The following PDE9A variants were observed in gnomAD, a reference collection of about 807,000 sequenced individuals.
The protein encoded by PDE9A is high affinity cGMP-specific 3',5'-cyclic phosphodiesterase 9A.
PDE9A carries 60 observed loss-of-function variants against 87.4 expected under a neutral mutation model. The observed-to-expected ratio is 0.69, with a 90% CI of 0.56 to 0.85. The LOEUF (loss-of-function observed/expected upper bound fraction) is 0.85, where lower values mean the gene tolerates loss of function less well. PDE9A is among the 40% of genes least tolerant of loss of function. The probability of loss-of-function intolerance (pLI) is 0.00; values close to 1 mark genes in which losing one functional copy is unlikely to be tolerated. For synonymous variants in PDE9A, 272 were observed against 279.4 expected (o/e 0.97, Z 0.27); for missense variants, 665 against 779.0 (o/e 0.85, Z 1.74).
At chr21:42,751,967 T>C (rs1324640105) in intron 9 of PDE9A, among the ~76,000 whole-genome samples, 1 of 151,656 alleles carries the variant, frequency 6.6e-6, no homozygotes, top group South Asian at 2.1e-4. Context: ...GCCAGGCTGG[T>C]CTTGAACTTG....
intron 1 of PDE9A, among the ~76,000 whole-genome samples, chr21:42,670,449 C>T (rs2058451724): frequency 6.6e-6 from 1 of 151,620 alleles, no homozygotes; most frequent in Admixed American, 6.6e-5. Context: ...CACTTATACA[C>T]AGTCACACAG....
At chr21:42,698,842 T>TA (rs1269206604) in intron 3 of PDE9A, 126 bp from the exon 4 acceptor site, 230 of 556,050 alleles carry the variant, frequency 4.1e-4, no homozygotes, top group Middle Eastern at 6.2e-4. Flanking sequence ...ATTTAAAAAA[T>TA]AAAAATAAAT....
At chr21:42,770,358 A>C (rs7281623) in intron 17 of PDE9A, among the ~76,000 whole-genome samples, 86,511 of 151,984 alleles carry the variant, frequency 0.57, 24,788 homozygotes, top group South Asian at 0.67. Context: ...CTTGGAGCCA[A>C]CCCACCCACT....
At chr21:42,772,310 C>T in intron 18 of PDE9A, 129 bp from the exon 19 acceptor site, 3 of 637,196 alleles carry the variant, frequency 4.7e-6, no homozygotes, top group Non-Finnish European at 5.6e-6. Flanking sequence ...TGCTTGGGCT[C>T]AGAGGGGCTG....
chr21:42,657,053 G>A (rs1330600275), intron 1 of PDE9A, among the ~76,000 whole-genome samples: 1 of 152,258 alleles, frequency 6.6e-6, no homozygotes, highest in Non-Finnish European at 1.5e-5. Flanking sequence ...GACGTTGCAG[G>A]CTGGGTGGGC....
At chr21:42,709,129 G>C (rs1439117462) in intron 4 of PDE9A, among the ~76,000 whole-genome samples, 4 of 152,162 alleles carry the variant, frequency 2.6e-5, no homozygotes, top group Non-Finnish European at 1.5e-5. Flanking sequence ...GCCATAAAAA[G>C]GAACAAGATC....
Position 42,775,403 on chromosome 21 carries a change from T to C in PDE9A, c.*110T>C. ...CCTGGCACCACAAGACCATGTTTTC[T>C]AAGAACCATTTTGTTCACTGATACA... On this transcript the variant is annotated 3_prime_UTR_variant, in exon 20 of 20. Transcript: ENST00000291539. 1 of 823,132 alleles carries C rather than the reference T, an allele frequency of 1.2e-6. No homozygotes were observed. Among genetic ancestry groups the C allele is most frequent in the Non-Finnish European group, 1.9e-6 (1 of 534,974 alleles). 51.0% of individuals were successfully genotyped at this position (823,132 alleles called of 1,614,324 possible). A position where few individuals can be genotyped will look rare whatever the true frequency, so the allele number is the denominator to read the frequency against.
intron 1 of PDE9A, among the ~76,000 whole-genome samples, chr21:42,674,078 T>A (rs1283324776): frequency 6.6e-6 from 1 of 152,174 alleles, no homozygotes; most frequent in East Asian, 1.9e-4. Flanking sequence ...TGCTGACAGA[T>A]TCCCCCTCCC....
intron 18 of PDE9A, among the ~76,000 whole-genome samples, chr21:42,771,978 G>A (rs2057060839): frequency 6.6e-6 from 1 of 152,232 alleles, no homozygotes; most frequent in Non-Finnish European, 1.5e-5. Context: ...GAGAGCTGAA[G>A]GGGCTTCTGC....
rs1335800851 is a variant in PDE9A, at chr21:42,695,447, A to G, written c.219-3521A>G. On this transcript the variant is annotated intron_variant, in intron 3 of 19. Coordinates refer to ENST00000291539, the MANE Select transcript of PDE9A (RefSeq NM_002606.3). The surrounding 1 kb of genome is among the most constrained non-coding windows in gnomAD (Gnocchi z 4.3). Reference sequence around the variant, plus strand: ...AAGGAGATAAATCAGACACCTCAGTAGCGTGAGTGAAAGTGGGGTGTGTGG... The same window carrying G: ...AAGGAGATAAATCAGACACCTCAGTGGCGTGAGTGAAAGTGGGGTGTGTGG... Among the ~76,000 whole-genome samples, 4 of 152,198 alleles carry G rather than the reference A, an allele frequency of 2.6e-5. No homozygotes were observed. The highest frequency in any genetic ancestry group is 7.2e-5 in the African/African-American group (3 of 41,442).
At chr21:42,758,880 G>A in intron 10 of PDE9A, 119 bp from the exon 11 acceptor site, 1 of 692,032 alleles carries the variant, frequency 1.4e-6, no homozygotes. Flanking sequence ...GGGAGGGGGA[G>A]AACCCACCTC....
At chr21:42,670,320 T>TA (rs2058401705) in intron 1 of PDE9A, among the ~76,000 whole-genome samples, 7 of 140,020 alleles carry the variant, frequency 5.0e-5, no homozygotes, top group African/African-American at 1.7e-4. Context: ...GACACCACAC[T>TA]CACATTCACA....
At chr21:42,710,465 T>A (rs1249454959) in intron 4 of PDE9A, among the ~76,000 whole-genome samples, 1 of 149,940 alleles carries the variant, frequency 6.7e-6, no homozygotes, top group Admixed American at 6.6e-5. Context: ...TACCAAGAGG[T>A]TGTACCATTC....
rs2052885384 is a variant in PDE9A at position 42,739,576 on chromosome 21, C to T, written c.569-4200C>T. 6.6e-6 allele frequency among the ~76,000 whole-genome samples: 1 copy of T among 152,264 alleles called. No individual in the cohort carries two copies. The highest frequency in any genetic ancestry group is 2.4e-5 in the African/African-American group (1 of 41,468). On this transcript the variant is annotated intron_variant, in intron 7 of 19. Coordinates refer to ENST00000291539, the MANE Select transcript of PDE9A (RefSeq NM_002606.3). This position sits in a 1 kb window ranked among gnomAD's most constrained non-coding sequence, Gnocchi z 4.1. ...TGCAATGTTGTTACTCACTATCCAT[C>T]TACTTGGCCAACAGCCTCTTCATAA...
rs2059676140 is a variant in PDE9A at position 42,689,606 on chromosome 21, A to G, written c.218+1612A>G. On this transcript the variant is annotated intron_variant, in intron 3 of 19. Transcript: ENST00000291539. The stretch of plus-strand genomic sequence containing the variant: ...CTTTGTTTTCCTGAAGTCATTTGAA[A>G]CAGCGTGCAGAGACATTTAAACTCG... The G allele has an allele frequency of 3.0e-6, 3 of 985,344 alleles. No individual in the cohort carries two copies. The African/African-American group carries it at 5.2e-5, about 17-fold the overall frequency. The allele number at this position is 985,344 out of a possible 1,614,324, so 61.0% of individuals were successfully genotyped here.
intron 4 of PDE9A, among the ~76,000 whole-genome samples, chr21:42,710,610 T>G (rs2049244960): frequency 6.6e-6 from 1 of 152,202 alleles, no homozygotes; most frequent in Admixed American, 6.5e-5. Flanking sequence ...AATTTGCATT[T>G]CCAAGTAACT....
Position 42,695,464 on chromosome 21 carries a change from G to A in PDE9A, c.219-3504G>A, listed in dbSNP as rs2060091301. On this transcript the variant is annotated intron_variant, in intron 3 of 19. Coordinates refer to ENST00000291539, the MANE Select transcript of PDE9A (RefSeq NM_002606.3). The surrounding 1 kb of genome is among the most constrained non-coding windows in gnomAD (Gnocchi z 4.3). ...ACCTCAGTAGCGTGAGTGAAAGTGG[G>A]GTGTGTGGTGAGACACATACAGAGG... Among the ~76,000 whole-genome samples, 1 of 152,182 alleles carries A rather than the reference G, an allele frequency of 6.6e-6. No individual in the cohort carries two copies. The highest frequency in any genetic ancestry group is 6.5e-5 in the Admixed American group (1 of 15,280).
Position 42,722,938 on chromosome 21 carries a change from TG to T in PDE9A, c.263-8831del, listed in dbSNP as rs889979572. Among the ~76,000 whole-genome samples the T allele has an allele frequency of 2.6e-5, 4 of 152,208 alleles. No homozygotes were observed. The highest frequency in any genetic ancestry group is 9.6e-5 in the African/African-American group (4 of 41,462). On this transcript the variant is annotated intron_variant, in intron 4 of 19. Transcript: ENST00000291539. The surrounding 1 kb of genome is among the most constrained non-coding windows in gnomAD (Gnocchi z 4.1). ...GGAAGAAGTGGGCGAGGCAGAGGCTTGAACTATCCACTCAGACCAAGGAGGA... is the reference window on the plus strand; with the variant it reads ...GGAAGAAGTGGGCGAGGCAGAGGCTTAACTATCCACTCAGACCAAGGAGGA...
At chr21:42,686,307 C>G in intron 2 of PDE9A, 45 bp downstream of exon 2, 1 of 1,536,334 alleles carries the variant, frequency 6.5e-7, no homozygotes, top group Non-Finnish European at 9.0e-7. Flanking sequence ...CACGCGGCCT[C>G]CTCGCCTTTT....
Sources: allele counts gnomAD v4.1 joint callset (sites outside exome capture counted in the v4.1 genomes callset), GRCh38; gene constraint gnomAD v4.1.1; non-coding constraint Gnocchi (gnomAD v3.1); transcripts MANE v1.5; gene names NCBI Gene and HGNC (gene_info 2026-07-23, HGNC 2026-07-21).